The following RP1L1 variants were observed in gnomAD, a reference collection of about 807,000 sequenced individuals.
RP1L1 encodes the protein retinitis pigmentosa 1-like 1 protein.
Under a neutral mutation model 15.7 loss-of-function variants are expected in RP1L1, and 27 were observed. That is an observed-to-expected ratio of 1.72 (90% CI 1.27 to 2.38). The LOEUF is 2.38. Ranked by LOEUF, RP1L1 falls within the 30% of genes most tolerant of loss-of-function variation. The probability of loss-of-function intolerance (pLI) is 0.00; values close to 1 mark genes in which losing one functional copy is unlikely to be tolerated. For synonymous variants in RP1L1, 1,813 were observed against 1,276.7 expected (o/e 1.42, Z -8.96); for missense variants, 4,798 against 3,075.9 (o/e 1.56, Z -13.24).
At chr8:10,637,163 C>G (rs1798341917) in intron 1 of RP1L1, among the ~76,000 whole-genome samples, 1 of 152,156 alleles carries the variant, frequency 6.6e-6, no homozygotes. Flanking sequence ...GGTCAGGTTC[C>G]CGGACTCAAA....
intron 2 of RP1L1, among the ~76,000 whole-genome samples, chr8:10,618,664 A>G (rs1798009889): frequency 6.6e-6 from 1 of 152,142 alleles, no homozygotes; most frequent in Admixed American, 6.5e-5. Flanking sequence ...AGCACTCCAA[A>G]CTGGGCAACA....
rs546679142 is a variant in RP1L1 at position 10,640,331 on chromosome 8, A to G, written c.-20+14567T>C. ...ATTTTTCAAAGAAAAGATCAAGATT[A>G]TTTTATATGCTGAAAATCATTCTAA... is the stretch of plus-strand genomic sequence containing the variant. On this transcript the variant is annotated intron_variant, in intron 1 of 3. Transcript: ENST00000382483. Among the ~76,000 whole-genome samples, 3 of 152,318 alleles carry G rather than the reference A, an allele frequency of 2.0e-5. No individual in the cohort carries two copies. In the South Asian group the frequency reaches 6.2e-4, roughly 32 times the overall value.
chr8:10,645,513 C>G (rs191426659), intron 1 of RP1L1, among the ~76,000 whole-genome samples: 1 of 152,284 alleles, frequency 6.6e-6, no homozygotes, highest in African/African-American at 2.4e-5. Flanking sequence ...GTCCACATCA[C>G]AGATGTCCAA....
chr8:10,607,101 TC>T lies in RP1L1; in HGVS notation c.6996del (p.Thr2333ProfsTer66), dbSNP rs1283792822. 13 of 1,613,972 alleles carry T rather than the reference TC, an allele frequency of 8.1e-6. No homozygotes were observed. The highest frequency in any genetic ancestry group is 1.1e-5 in the Non-Finnish European group (13 of 1,180,026). ...GTGGCCTTCCTCTCTGCATGAGGGG[TC>T]CCCGTGGACTTGGCATCAGGGCTCC... ...DTRSPDAKST[G>X]TPHAERKATR... On this transcript the variant is annotated frameshift_variant, in exon 4 of 4. Transcript: ENST00000382483. LOFTEE classifies it low-confidence loss of function (END_TRUNC).
At chr8:10,631,404 C>T (rs886645701) in intron 1 of RP1L1, among the ~76,000 whole-genome samples, 1 of 138,176 alleles carries the variant, frequency 7.2e-6, no homozygotes, top group Admixed American at 6.9e-5. Flanking sequence ...CACGCACACA[C>T]ACGCACACAC....
Position 10,625,052 on chromosome 8 carries a change from C to T in RP1L1, c.-19-1832G>A, listed in dbSNP as rs117055144. Reference sequence around the variant, plus strand: ...GGACAATCACTGCATTCCTACATTCCAGACCGGCCTTCAGAAGCCGGACTG... The same window carrying T: ...GGACAATCACTGCATTCCTACATTCTAGACCGGCCTTCAGAAGCCGGACTG... On this transcript the variant is annotated intron_variant, in intron 1 of 3. Coordinates refer to ENST00000382483, the MANE Select transcript of RP1L1 (RefSeq NM_178857.6). Among the ~76,000 whole-genome samples, 1,005 of 152,310 alleles carry T rather than the reference C, an allele frequency of 6.6e-3. 14 individuals carry two copies. Among genetic ancestry groups the T allele is most frequent in the African/African-American group, 0.023 (942 of 41,566 alleles).
Position 10,612,238 on chromosome 8 carries a change from G to C in RP1L1, c.1860C>G (p.Asp620Glu), listed in dbSNP as rs757617284. The change falls in exon 4 of 4, where the codon GAC becomes GAG. Residue 620 changes from aspartate to glutamate, a missense_variant. By Grantham distance (45) the Asp-to-Glu change is conservative (BLOSUM62 2). Transcript: ENST00000382483. Reference sequence around the variant, plus strand: ...AAGGGGTGGAAGAGGCTCCTTCCGAGTCCCAGGAGCAGGAAAGGCCCAGAA... The same window carrying C: ...AAGGGGTGGAAGAGGCTCCTTCCGACTCCCAGGAGCAGGAAAGGCCCAGAA... ...PLVLGLSCSW[D>E]SEGASSTPST... 13 of 1,613,098 alleles carry C rather than the reference G, an allele frequency of 8.1e-6. No individual in the cohort carries two copies. In the African/African-American group the frequency reaches 1.7e-4, roughly 22 times the overall value.
intron 2 of RP1L1, 130 bp downstream of exon 2, chr8:10,622,463 G>A: frequency 4.2e-6 from 5 of 1,203,080 alleles, no homozygotes; most frequent in African/African-American, 1.5e-5. Context: ...TCTCCATGCT[G>A]TTCACCTTTA....
chr8:10,644,376 G>C (rs6990620), intron 1 of RP1L1, among the ~76,000 whole-genome samples: 45,779 of 152,030 alleles, frequency 0.3, 7,277 homozygotes, highest in African/African-American at 0.36. Flanking sequence ...AAGGCTTCCA[G>C]GACACAGCAG....
chr8:10,627,986 G>C (rs1033104252), intron 1 of RP1L1, among the ~76,000 whole-genome samples: 1 of 152,224 alleles, frequency 6.6e-6, no homozygotes, highest in African/African-American at 2.4e-5. Flanking sequence ...GCACAGCTTG[G>C]GGAGGCAGGC....
chr8:10,631,361 A>ACG (rs1491312075), intron 1 of RP1L1, among the ~76,000 whole-genome samples: 4 of 36,294 alleles, frequency 1.1e-4, no homozygotes, highest in African/African-American at 4.3e-4. Flanking sequence ...ACATGCACAC[A>ACG]AACACACATG....
chr8:10,614,596 G>A (rs1797933745), intron 3 of RP1L1, among the ~76,000 whole-genome samples: 1 of 151,052 alleles, frequency 6.6e-6, no homozygotes, highest in African/African-American at 2.4e-5. Context: ...GAGAGGCGGA[G>A]GTTGCAGTGA....
In RP1L1 at chr8:10,612,829, C is replaced by T. The variant is rs1797892359; in HGVS notation, c.1269G>A (p.Arg423=). ...CGTGCTGGGCCAGTCCCCACCTCTT[C>T]CGAGCTGCCACTCTCTCTCCCTGGG... is the stretch of plus-strand genomic sequence containing the variant. ...HASQGERVAA[R]KRWGLAQHVR... is the part of the protein sequence containing the mutation. Residue 423 remains arginine, a synonymous_variant, in exon 4 of 4, where the codon CGG becomes CGA. Transcript: ENST00000382483. The T allele has an allele frequency of 6.2e-7, 1 of 1,612,346 alleles. No homozygotes were observed. Among genetic ancestry groups the T allele is most frequent in the Non-Finnish European group, 8.5e-7 (1 of 1,179,856 alleles).
Position 10,622,781 on chromosome 8 carries a change from T to G in RP1L1, c.421A>C (p.Thr141Pro), listed in dbSNP as rs1229992600. Reference sequence around the variant, plus strand: ...TTAAGACTCTTCCGGGAGGAGGAGGTGCCTGGGGCTTCACGCTGGCCTTCG... The same window carrying G: ...TTAAGACTCTTCCGGGAGGAGGAGGGGCCTGGGGCTTCACGCTGGCCTTCG... ...DVEGQREAPG[T>P]SSSRKSLKTP... The change falls in exon 2 of 4, where the codon ACC becomes CCC. Residue 141 changes from threonine to proline, a missense_variant. Transcript: ENST00000382483. The G allele has an allele frequency of 1.2e-6, 2 of 1,613,678 alleles. No individual in the cohort carries two copies. Among genetic ancestry groups the G allele is most frequent in the East Asian group, 4.5e-5 (2 of 44,834 alleles).
chr8:10,628,307 G>T (rs1353466397), intron 1 of RP1L1, among the ~76,000 whole-genome samples: 1 of 152,126 alleles, frequency 6.6e-6, no homozygotes, highest in Admixed American at 6.5e-5. Context: ...TACCAAAGGC[G>T]TTCATTCTTA....
rs779459208 is a variant in RP1L1 at position 10,612,163 on chromosome 8, G to A, written c.1935C>T (p.Ala645=). The A allele has an allele frequency of 5.6e-6, 9 of 1,613,468 alleles. No homozygotes were observed. The highest frequency in any genetic ancestry group is 1.7e-4 in the Middle Eastern group (1 of 6,056). ...QQGQRRHRSR[A]SAMSSPSSPG... is the part of the protein sequence containing the mutation. ...GGCTGCTGGGTGAGGACATTGCACT[G>A]GCCCGGCTTCTGTGCCTTCTCTGCC... The change falls in exon 4 of 4, where the codon GCC becomes GCT. Residue 645 remains alanine, a synonymous_variant. Transcript: ENST00000382483.
At position 10,622,743 on chromosome 8, in the gene RP1L1, C is replaced by T. The variant is rs761241198; in HGVS notation, c.459G>A (p.Arg153=). 6.2e-7 allele frequency: 1 copy of T among 1,614,110 alleles called. No individual in the cohort carries two copies. Among genetic ancestry groups the T allele is most frequent in the Non-Finnish European group, 8.5e-7 (1 of 1,180,026 alleles). The part of the protein sequence containing the change: ...SSRKSLKTPR[R]ILLIKNMDPR... ...GGTCCATGTTCTTAATCAGCAGTATCCTCCGGGGGGTTTTAAGACTCTTCC... is the reference window on the plus strand; with the variant it reads ...GGTCCATGTTCTTAATCAGCAGTATTCTCCGGGGGGTTTTAAGACTCTTCC... The change falls in exon 2 of 4, where the codon AGG becomes AGA. Residue 153 remains arginine, a synonymous_variant. Transcript: ENST00000382483.
chr8:10,631,333 ATG>A (rs1172890529), intron 1 of RP1L1, among the ~76,000 whole-genome samples: 2 of 28,066 alleles, frequency 7.1e-5, no homozygotes, highest in East Asian at 0.018. Context: ...GCACACACAC[ATG>A]CACACACACG....
In RP1L1 at chr8:10,610,997, G is replaced by C. The variant is rs534025550; in HGVS notation, c.3101C>G (p.Thr1034Ser). The C allele has an allele frequency of 2.5e-6, 4 of 1,612,570 alleles. No homozygotes were observed. The highest frequency in any genetic ancestry group is 1.3e-5 in the African/African-American group (1 of 74,920). The stretch of plus-strand genomic sequence containing the variant: ...GACACCCTCTCCTGATTGGGGACCA[G>C]TGTCACTACTCCCCAGGAGGGCTCC... ...PEGALLGSSD[T>S]GPQSGEGVPQ... The change falls in exon 4 of 4, where the codon ACT (threonine) becomes AGT (serine). Residue 1034 changes from threonine to serine, a missense_variant. Transcript: ENST00000382483.
Sources: gnomAD v4.1 joint callset for allele counts (sites outside exome capture counted in the v4.1 genomes callset) on GRCh38, gnomAD v4.1.1 for gene constraint, MANE v1.5 for transcripts, NCBI Gene and HGNC (gene_info 2026-07-23, HGNC 2026-07-21) for gene names.